DLG1: variants seen among roughly 807,000 people sequenced by gnomAD.
The protein encoded by DLG1 is discs large MAGUK scaffold protein 1, also known as disks large homolog 1.
In DLG1, 42 loss-of-function variants were observed where a neutral mutation model predicts 123.4. That is an observed-to-expected ratio of 0.34 (90% CI 0.27 to 0.44). The LOEUF (loss-of-function observed/expected upper bound fraction) is 0.44, where lower values mean the gene tolerates loss of function less well. DLG1 is among the 20% of genes least tolerant of loss of function. The pLI is 1.00. For synonymous variants in DLG1, 317 were observed against 356.2 expected (o/e 0.89, Z 1.24); for missense variants, 942 against 1,082.6 (o/e 0.87, Z 1.82).
In DLG1 at chr3:197,211,307, C is replaced by T. The variant is rs1019792008; in HGVS notation, c.319-16718G>A. Reference sequence around the variant, plus strand: ...ACTCATTCTATGAGGCCAGCATCATCCTGATACCAAAACCTGGCAGAGACA... The same window carrying T: ...ACTCATTCTATGAGGCCAGCATCATTCTGATACCAAAACCTGGCAGAGACA... On this transcript the variant is annotated intron_variant, in intron 4 of 24. Transcript: ENST00000667157. Among the ~76,000 whole-genome samples, 9 of 146,398 alleles carry T rather than the reference C, an allele frequency of 6.1e-5. 2 individuals are homozygous for T. The highest frequency in any genetic ancestry group is 1.4e-4 in the Non-Finnish European group (9 of 65,264).
At chr3:197,056,670 A>T (rs1046806321) in intron 23 of DLG1, among the ~76,000 whole-genome samples, 2 of 152,066 alleles carry the variant, frequency 1.3e-5, no homozygotes, top group African/African-American at 4.8e-5. Context: ...CATTTTCTGA[A>T]GTATATGTTT....
intron 17 of DLG1, among the ~76,000 whole-genome samples, chr3:197,076,902 A>C (rs998747178): frequency 2.6e-5 from 4 of 152,212 alleles, no homozygotes; most frequent in Non-Finnish European, 5.9e-5. Flanking sequence ...AGCATAGTTC[A>C]TTTATACCTA....
At chr3:197,242,453 A>G (rs1160774606) in intron 4 of DLG1, among the ~76,000 whole-genome samples, 2 of 152,104 alleles carry the variant, frequency 1.3e-5, no homozygotes, top group Admixed American at 6.6e-5. Context: ...ACTGACATTT[A>G]CAGAACATTC....
intron 24 of DLG1, among the ~76,000 whole-genome samples, chr3:197,047,846 C>T (rs1449892327): frequency 6.6e-6 from 1 of 152,018 alleles, no homozygotes; most frequent in Non-Finnish European, 1.5e-5. Context: ...AAAAAAGCGC[C>T]TTCACACTGG....
At chr3:197,125,094 T>C (rs1778361916) in intron 11 of DLG1, among the ~76,000 whole-genome samples, 1 of 152,170 alleles carries the variant, frequency 6.6e-6, no homozygotes, top group East Asian at 1.9e-4. Context: ...GGTAAAAATA[T>C]AATTACATAG....
At chr3:197,280,543 G>C (rs1379037493) in intron 4 of DLG1, among the ~76,000 whole-genome samples, 1 of 152,034 alleles carries the variant, frequency 6.6e-6, no homozygotes, top group Non-Finnish European at 1.5e-5. Context: ...TCTATTTTTA[G>C]TTTTTTTGAG....
rs767056279 is a variant in DLG1 at position 197,080,267 on chromosome 3, C to CTTTTTTTTT, written c.1905+775_1905+783dup. On this transcript the variant is annotated intron_variant, in intron 17 of 24. Coordinates refer to ENST00000667157, the MANE Select transcript of DLG1 (RefSeq NM_001366207.1). ...TATGATGAAAGAATTGATATATTTCCTTTTTTTTTTTTTTTTTTTTTTTTT... is the reference window on the plus strand; with the variant it reads ...TATGATGAAAGAATTGATATATTTCCTTTTTTTTTTTTTTTTTTTTTTTTTTTTTTTTTT... Among the ~76,000 whole-genome samples, 13 of 51,904 alleles carry CTTTTTTTTT rather than the reference C, an allele frequency of 2.5e-4. 1 individual carries two copies. Among genetic ancestry groups the CTTTTTTTTT allele is most frequent in the African/African-American group, 1.0e-3 (12 of 11,984 alleles). 34.1% of individuals were successfully genotyped at this position (51,904 alleles called of 152,430 possible).
chr3:197,274,508 G>A (rs117272724), intron 4 of DLG1, among the ~76,000 whole-genome samples: 12 of 151,236 alleles, frequency 7.9e-5, no homozygotes, highest in Non-Finnish European at 1.6e-4. Flanking sequence ...GACACGACAC[G>A]ACACGACACG....
Position 197,228,882 on chromosome 3 carries a change from CT to C in DLG1, c.319-34294del, listed in dbSNP as rs1168231488. On this transcript the variant is annotated intron_variant, in intron 4 of 24. Coordinates refer to ENST00000667157, the MANE Select transcript of DLG1 (RefSeq NM_001366207.1). ...TACTAGTCAGGCATTCTGCAAAGTGCTTTCATGTGTCAGAAAAATTATCAAA... is the reference window on the plus strand; with the variant it reads ...TACTAGTCAGGCATTCTGCAAAGTGCTTCATGTGTCAGAAAAATTATCAAA... Among the ~76,000 whole-genome samples, 3 of 152,114 alleles carry C rather than the reference CT, an allele frequency of 2.0e-5. No individual in the cohort carries two copies. In the East Asian group the frequency reaches 5.8e-4, roughly 29 times the overall value.
intron 15 of DLG1, among the ~76,000 whole-genome samples, chr3:197,088,785 A>G (rs1467291665): frequency 6.6e-6 from 1 of 152,242 alleles, no homozygotes; most frequent in Non-Finnish European, 1.5e-5. Flanking sequence ...TAGTAGTAAG[A>G]ATATGAAAAA....
chr3:197,104,035 C>T (rs886906012), intron 14 of DLG1, among the ~76,000 whole-genome samples: 1 of 152,140 alleles, frequency 6.6e-6, no homozygotes, highest in African/African-American at 2.4e-5. Context: ...AGTAAAGTCA[C>T]ATCCACCATA....
At chr3:197,116,721 T>C (rs1773508892) in intron 12 of DLG1, among the ~76,000 whole-genome samples, 2 of 152,104 alleles carry the variant, frequency 1.3e-5, no homozygotes, top group Non-Finnish European at 2.9e-5. Flanking sequence ...GACTGAATAA[T>C]ACAATCCCTT....
chr3:197,224,450 A>C (rs1040719323), intron 4 of DLG1, among the ~76,000 whole-genome samples: 1 of 152,214 alleles, frequency 6.6e-6, no homozygotes, highest in Admixed American at 6.5e-5. Context: ...CCTTTTCCTA[A>C]AACACTCTGT....
intron 3 of DLG1, among the ~76,000 whole-genome samples, chr3:197,294,521 G>A (rs924469790): frequency 2.6e-5 from 4 of 152,028 alleles, no homozygotes; most frequent in African/African-American, 9.7e-5. Flanking sequence ...AGCCGGACGT[G>A]GTGGTGGGCA....
intron 5 of DLG1, among the ~76,000 whole-genome samples, chr3:197,154,718 G>A (rs9860590): frequency 0.73 from 110,658 of 152,034 alleles, 40,446 homozygotes; most frequent in East Asian, 0.82. Flanking sequence ...AAGCAAGAAA[G>A]TGCTGTATGA....
At chr3:197,113,897 C>T (rs567014860) in intron 13 of DLG1, among the ~76,000 whole-genome samples, 13 of 152,168 alleles carry the variant, frequency 8.5e-5, no homozygotes, top group African/African-American at 3.1e-4. Context: ...GCAGGAATAT[C>T]GTTTGAGCCC....
intron 4 of DLG1, among the ~76,000 whole-genome samples, chr3:197,221,461 A>T (rs1736983449): frequency 6.6e-6 from 1 of 152,060 alleles, no homozygotes; most frequent in South Asian, 2.1e-4. Context: ...TGGAGGTTGC[A>T]GTGAACCGAG....
chr3:197,069,288 T>C (rs1316142258), intron 18 of DLG1, 28 bp from the exon 19 acceptor site: 14 of 1,524,638 alleles, frequency 9.2e-6, no homozygotes, highest in Non-Finnish European at 1.3e-5. Context: ...TGAAAAAAAA[T>C]AAAACAGTGT....
intron 4 of DLG1, among the ~76,000 whole-genome samples, chr3:197,238,554 G>A (rs1180144929): frequency 6.6e-6 from 1 of 152,190 alleles, no homozygotes; most frequent in Non-Finnish European, 1.5e-5. Context: ...TAAGTGAAAA[G>A]TGAATACAGC....
Sources: allele counts gnomAD v4.1 joint callset (sites outside exome capture counted in the v4.1 genomes callset), GRCh38; gene constraint gnomAD v4.1.1; transcripts MANE v1.5; gene names NCBI Gene and HGNC (gene_info 2026-07-23, HGNC 2026-07-21).